PRDX6: variants seen among roughly 807,000 people sequenced by gnomAD.
The protein encoded by PRDX6 is peroxiredoxin 6.
In PRDX6, 13 loss-of-function variants were observed where a neutral mutation model predicts 20.0. That is an observed-to-expected ratio of 0.65 (90% CI 0.42 to 1.03). The LOEUF (loss-of-function observed/expected upper bound fraction) is 1.03, where lower values mean the gene tolerates loss of function less well. Among genes scored for constraint, PRDX6 ranks in the 50% least tolerant of loss-of-function variants. The probability of loss-of-function intolerance (pLI) is 0.00; values close to 1 mark genes in which losing one functional copy is unlikely to be tolerated. For missense variants in PRDX6, 203 were observed against 276.9 expected, an observed-to-expected ratio of 0.73 and a Z score of 1.89; for synonymous variants, 85 against 100.8, an observed-to-expected ratio of 0.84 and a Z score of 0.94.
At chr1:173,477,894 G>T (rs970878938) in intron 1 of PRDX6, among the ~76,000 whole-genome samples, 2 of 152,216 alleles carry the variant, frequency 1.3e-5, no homozygotes, top group Non-Finnish European at 2.9e-5. Context: ...GGCCGAGGGC[G>T]CAGGGGCGGG....
chr1:173,486,228 C>G lies in PRDX6; in HGVS notation c.400-27C>G, dbSNP rs199599185. The stretch of plus-strand genomic sequence containing the variant: ...TTTAATAACACTCAAAGAACTCTTC[C>G]TATTTATGCCCCTCTGTGCTTTACA... On this transcript the variant is annotated intron_variant, in intron 3 of 4. Coordinates refer to ENST00000340385, the MANE Select transcript of PRDX6 (RefSeq NM_004905.3). 14 of 1,553,666 alleles carry G rather than the reference C, an allele frequency of 9.0e-6. No homozygotes were observed. In the Middle Eastern group the frequency reaches 5.2e-4, roughly 57 times the overall value.
At chr1:173,477,564 C>A in intron 1 of PRDX6, 72 bp downstream of exon 1, 1 of 1,279,938 alleles carries the variant, frequency 7.8e-7, no homozygotes, top group Non-Finnish European at 1.1e-6. Flanking sequence ...CCTGTTTCTT[C>A]TCCCTGCCGT....
rs1164002425 is a variant in PRDX6 at position 173,488,609 on chromosome 1, AT to A, written c.*748del. 1 of 152,222 alleles carries A rather than the reference AT, an allele frequency of 6.6e-6. No individual in the cohort carries two copies. Among genetic ancestry groups the A allele is most frequent in the African/African-American group, 2.4e-5 (1 of 41,456 alleles). The allele number at this position is 152,222 out of a possible 1,614,324, so 9.4% of individuals were successfully genotyped here. On this transcript the variant is annotated 3_prime_UTR_variant, in exon 5 of 5. Transcript: ENST00000340385. ...AGGAGGTGTAGCAGGTGTGAGCAAT[AT>A]TAGTGCCATGTGCCTTTCACACAGG...
At chr1:173,487,368 A>G (rs1658918506) in intron 4 of PRDX6, among the ~76,000 whole-genome samples, 2 of 152,190 alleles carry the variant, frequency 1.3e-5, no homozygotes, top group African/African-American at 2.4e-5. Flanking sequence ...TGTTGGAGGA[A>G]TACAAGGAAA....
intron 1 of PRDX6, among the ~76,000 whole-genome samples, chr1:173,477,847 T>C (rs1055536306): frequency 3.3e-5 from 5 of 152,230 alleles, no homozygotes; most frequent in African/African-American, 1.2e-4. Context: ...GTTGTCCATT[T>C]AACTCGTCTT....
chr1:173,483,978 C>T (rs373809917), intron 2 of PRDX6, among the ~76,000 whole-genome samples: 152 of 151,328 alleles, frequency 1.0e-3, no homozygotes, highest in African/African-American at 3.6e-3. Flanking sequence ...GTGGCGGGTG[C>T]CTGTAATCCC....
intron 4 of PRDX6, among the ~76,000 whole-genome samples, chr1:173,487,098 A>T (rs1035521478): frequency 2.0e-5 from 3 of 152,348 alleles, no homozygotes; most frequent in African/African-American, 7.2e-5. Flanking sequence ...TAGAACTTCC[A>T]TTCCAGTGAG....
chr1:173,484,766 C>CT (rs748225211), intron 2 of PRDX6, among the ~76,000 whole-genome samples: 3 of 151,020 alleles, frequency 2.0e-5, no homozygotes, highest in East Asian at 3.9e-4. Context: ...ACTTCTGCCT[C>CT]TTCACCCATT....
chr1:173,486,151 T>C, intron 3 of PRDX6, 104 bp from the exon 4 acceptor site: 3 of 1,040,148 alleles, frequency 2.9e-6, no homozygotes, highest in Non-Finnish European at 3.9e-6. Flanking sequence ...TGTTTTTGTC[T>C]TGTTTTTATA....
At position 173,485,355 on chromosome 1, in the gene PRDX6, T is replaced by A. The variant is rs766996971; in HGVS notation, c.253-6T>A. On this transcript the variant is annotated splice_polypyrimidine_tract_variant and splice_region_variant and intron_variant, in intron 2 of 4. Coordinates refer to ENST00000340385, the MANE Select transcript of PRDX6 (RefSeq NM_004905.3). ...ATTCCTCTTTCCCCTTTTACTTGTG[T>A]TTCAGGATATCAATGCTTACAATTG... 2 of 1,571,738 alleles carry A rather than the reference T, an allele frequency of 1.3e-6. No homozygotes were observed. Among genetic ancestry groups the A allele is most frequent in the Admixed American group, 3.6e-5 (2 of 55,080 alleles).
At chr1:173,482,986 G>A (rs1347469783) in intron 2 of PRDX6, among the ~76,000 whole-genome samples, 2 of 152,218 alleles carry the variant, frequency 1.3e-5, no homozygotes, top group African/African-American at 4.8e-5. Flanking sequence ...TTTAATGCAA[G>A]ATGATAAAGA....
chr1:173,483,586 T>G (rs902158500), intron 2 of PRDX6, among the ~76,000 whole-genome samples: 3 of 152,114 alleles, frequency 2.0e-5, no homozygotes, highest in Non-Finnish European at 2.9e-5. Context: ...TGTTATCCAC[T>G]TCAGAGCTCA....
rs1308970158 is a variant in PRDX6, at chr1:173,488,660, C to T, written c.*797C>T. 1 of 152,052 alleles carries T rather than the reference C, an allele frequency of 6.6e-6. No individual in the cohort carries two copies. Among genetic ancestry groups the T allele is most frequent in the African/African-American group, 2.4e-5 (1 of 41,376 alleles). The allele number at this position is 152,052 out of a possible 1,614,324, so 9.4% of individuals were successfully genotyped here. On this transcript the variant is annotated 3_prime_UTR_variant, in exon 5 of 5. Coordinates refer to ENST00000340385, the MANE Select transcript of PRDX6 (RefSeq NM_004905.3). ...GGTTTGCATTTATCAGTCTGTTTTC[C>T]GATGATGTGTACATGAAAGAGTACA...
chr1:173,485,464 C>T lies in PRDX6; in HGVS notation c.356C>T (p.Pro119Leu). 1 of 1,609,294 alleles carries T rather than the reference C, an allele frequency of 6.2e-7. No individual in the cohort carries two copies. The highest frequency in any genetic ancestry group is 8.5e-7 in the Non-Finnish European group (1 of 1,177,762). Residue 119 changes from proline to leucine, a missense_variant, in exon 3 of 5, where the codon CCA (proline) becomes CTA (leucine). Coordinates refer to ENST00000340385, the MANE Select transcript of PRDX6 (RefSeq NM_004905.3). ...ELAILLGMLD[P>L]AEKDEKGMPV... ...GCCATCCTGTTGGGCATGCTGGATCCAGCAGAGAAGGATGAAAAGGGCATG... is the reference window on the plus strand; with the variant it reads ...GCCATCCTGTTGGGCATGCTGGATCTAGCAGAGAAGGATGAAAAGGGCATG...
Position 173,481,735 on chromosome 1 carries a change from C to T in PRDX6, c.252+253C>T, listed in dbSNP as rs538515057. ...TGTACCTCCTGAAACTTTTTCCTTT[C>T]TTGACTTCCAGGACACCACATTCTA... On this transcript the variant is annotated intron_variant, in intron 2 of 4. Coordinates refer to ENST00000340385, the MANE Select transcript of PRDX6 (RefSeq NM_004905.3). The T allele has an allele frequency of 2.1e-5, 9 of 424,130 alleles. No homozygotes were observed. In the South Asian group the frequency reaches 2.8e-4, roughly 13 times the overall value. The allele number at this position is 424,130 out of a possible 1,614,324, so 26.3% of individuals were successfully genotyped here.
At chr1:173,481,613 A>C in intron 2 of PRDX6, 131 bp downstream of exon 2, 1 of 965,178 alleles carries the variant, frequency 1.0e-6, no homozygotes, top group Non-Finnish European at 1.6e-6. Flanking sequence ...TGAAAATTTC[A>C]GTTGAACCAC....
At chr1:173,481,148 C>T in intron 1 of PRDX6, 178 bp from the exon 2 acceptor site, 2 of 609,278 alleles carry the variant, frequency 3.3e-6, no homozygotes, top group East Asian at 5.7e-5. Flanking sequence ...ATAGGCTTCT[C>T]TGGAGGTAAG....
rs985301766 is a variant in PRDX6 at position 173,477,554 on chromosome 1, CCT to C, written c.95+63_95+64del. 2.9e-5 allele frequency: 39 copies of C among 1,342,324 alleles called. No individual in the cohort carries two copies. The African/African-American group carries it at 5.5e-4, about 19-fold the overall frequency. The allele number at this position is 1,342,324 out of a possible 1,614,324, so 83.2% of individuals were successfully genotyped here. On this transcript the variant is annotated intron_variant, in intron 1 of 4. Transcript: ENST00000340385. ...TTGCGCCGGACTCGGAGGTGCCTTC[CCT>C]GTTTCTTCTCCCTGCCGTCCTCCCG... is the stretch of plus-strand genomic sequence containing the variant.
At chr1:173,477,851 T>C (rs1367316967) in intron 1 of PRDX6, among the ~76,000 whole-genome samples, 2 of 152,244 alleles carry the variant, frequency 1.3e-5, no homozygotes, top group East Asian at 3.9e-4. Context: ...TCCATTTAAC[T>C]CGTCTTAGTA....
Sources: allele counts gnomAD v4.1 joint callset (sites outside exome capture counted in the v4.1 genomes callset), GRCh38; gene constraint gnomAD v4.1.1; transcripts MANE v1.5; gene names NCBI Gene and HGNC (gene_info 2026-07-23, HGNC 2026-07-21).